The following SLC45A3 variants were observed in gnomAD, a reference collection of about 807,000 sequenced individuals.
SLC45A3 encodes solute carrier family 45 member 3.
Under a neutral mutation model 35.3 loss-of-function variants are expected in SLC45A3, and 17 were observed. The ratio of observed to expected loss-of-function variants is 0.48; its 90% CI spans 0.33 to 0.72. The LOEUF (loss-of-function observed/expected upper bound fraction) is 0.72. Among genes scored for constraint, SLC45A3 ranks in the 30% least tolerant of loss-of-function variants. The pLI, the probability that SLC45A3 is intolerant of heterozygous loss-of-function variation, is 0.02. For synonymous variants in SLC45A3, 288 were observed against 334.3 expected (o/e 0.86, Z 1.51); for missense variants, 597 against 731.7 (o/e 0.82, Z 2.12).
In SLC45A3 at chr1:205,669,842, C is replaced by T. The variant is rs769111727; in HGVS notation, c.-230-4956G>A. 6.6e-6 allele frequency among the ~76,000 whole-genome samples: 1 copy of T among 152,194 alleles called. No homozygotes were observed. Among genetic ancestry groups the T allele is most frequent in the South Asian group, 2.1e-4 (1 of 4,832 alleles). On this transcript the variant is annotated intron_variant, in intron 1 of 4. Transcript: ENST00000367145. The surrounding 1 kb of genome is among the most constrained non-coding windows in gnomAD (Gnocchi z 4.1). Reference sequence around the variant, plus strand: ...AGCTGAGGAAAGCGGGTGGGGTCACCCTGGGCCAACCTCCCGGACACACAC... The same window carrying T: ...AGCTGAGGAAAGCGGGTGGGGTCACTCTGGGCCAACCTCCCGGACACACAC...
At chr1:205,661,080 C>T (rs1671014172) in intron 4 of SLC45A3, among the ~76,000 whole-genome samples, 1 of 152,230 alleles carries the variant, frequency 6.6e-6, no homozygotes. Context: ...CCCCTCAAGG[C>T]AGAGTCCAGC....
In SLC45A3 at chr1:205,662,329, C is replaced by A; in HGVS notation, c.959-203G>T. ...TGACCCTCAGAGAATGTGGGCAACG[C>A]CCCTTGCTGAAGGCAGAGGAAGGTA... On this transcript the variant is annotated intron_variant, in intron 3 of 4. Coordinates refer to ENST00000367145, the MANE Select transcript of SLC45A3 (RefSeq NM_033102.3). This position sits in a 1 kb window ranked among gnomAD's most constrained non-coding sequence, Gnocchi z 6.2. The A allele has an allele frequency of 7.1e-7, 1 of 1,417,832 alleles. No individual in the cohort carries two copies. Among genetic ancestry groups the A allele is most frequent in the South Asian group, 1.6e-5 (1 of 63,500 alleles). 87.8% of individuals were successfully genotyped at this position (1,417,832 alleles called of 1,614,324 possible). A position where few individuals can be genotyped will look rare whatever the true frequency, so the allele number is the denominator to read the frequency against.
At chr1:205,667,648 A>T (rs1256269138) in intron 1 of SLC45A3, among the ~76,000 whole-genome samples, 2 of 151,910 alleles carry the variant, frequency 1.3e-5, no homozygotes, top group African/African-American at 4.8e-5. Flanking sequence ...CAAGTGAGCT[A>T]TGATCGTGCC....
rs1671127859 is a variant in SLC45A3 at position 205,666,883 on chromosome 1, G to A, written c.-230-1997C>T. Among the ~76,000 whole-genome samples, 2 of 152,150 alleles carry A rather than the reference G, an allele frequency of 1.3e-5. No individual in the cohort carries two copies. The highest frequency in any genetic ancestry group is 2.9e-5 in the Non-Finnish European group (2 of 68,032). On this transcript the variant is annotated intron_variant, in intron 1 of 4. Coordinates refer to ENST00000367145, the MANE Select transcript of SLC45A3 (RefSeq NM_033102.3). This position sits in a 1 kb window ranked among gnomAD's most constrained non-coding sequence, Gnocchi z 4.1. ...AGAGGCAGTGCTATCCAGCCTAAAGGGAGGGGTTCTGCGGCCAAAGGCTTC... is the reference window on the plus strand; with the variant it reads ...AGAGGCAGTGCTATCCAGCCTAAAGAGAGGGGTTCTGCGGCCAAAGGCTTC...
Position 205,666,605 on chromosome 1 carries a change from G to A in SLC45A3, c.-230-1719C>T, listed in dbSNP as rs1441993053. ...TGGCAGATCATGAAGGAAGGGAATTGAGATAAGGCTGGGCAACCAGCAGCC... is the reference window on the plus strand; with the variant it reads ...TGGCAGATCATGAAGGAAGGGAATTAAGATAAGGCTGGGCAACCAGCAGCC... On this transcript the variant is annotated intron_variant, in intron 1 of 4. Transcript: ENST00000367145. This position sits in a 1 kb window ranked among gnomAD's most constrained non-coding sequence, Gnocchi z 4.1. 6.6e-6 allele frequency among the ~76,000 whole-genome samples: 1 copy of A among 152,242 alleles called. No individual in the cohort carries two copies.
In SLC45A3 at chr1:205,658,478, G is replaced by C. The variant is rs1275926088; in HGVS notation, c.*756C>G. Reference sequence around the variant, plus strand: ...AATGACCAGCTATCTCAGGGGACCTGATTGTTGGGGATCCCCCACCCTACC... The same window carrying C: ...AATGACCAGCTATCTCAGGGGACCTCATTGTTGGGGATCCCCCACCCTACC... On this transcript the variant is annotated 3_prime_UTR_variant, in exon 5 of 5. Transcript: ENST00000367145. 1 of 233,110 alleles carries C rather than the reference G, an allele frequency of 4.3e-6. No homozygotes were observed. Among genetic ancestry groups the C allele is most frequent in the Non-Finnish European group, 8.5e-6 (1 of 117,996 alleles). 14.4% of individuals were successfully genotyped at this position (233,110 alleles called of 1,614,324 possible). A position where few individuals can be genotyped will look rare whatever the true frequency, so the allele number is the denominator to read the frequency against.
rs1165176151 is a variant in SLC45A3 at position 205,662,514 on chromosome 1, C to A, written c.958+319G>T. 2 of 1,285,300 alleles carry A rather than the reference C, an allele frequency of 1.6e-6. No homozygotes were observed. The highest frequency in any genetic ancestry group is 2.0e-6 in the Non-Finnish European group (2 of 1,016,994). 79.6% of individuals were successfully genotyped at this position (1,285,300 alleles called of 1,614,324 possible). ...CGTTGGGGGAGCAGAGGGCACACTG[C>A]GGCTGGAACCAGGCAGATCTGAAAT... On this transcript the variant is annotated intron_variant, in intron 3 of 4. Coordinates refer to ENST00000367145, the MANE Select transcript of SLC45A3 (RefSeq NM_033102.3). The surrounding 1 kb of genome is among the most constrained non-coding windows in gnomAD (Gnocchi z 6.2).
Position 205,659,761 on chromosome 1 carries a change from C to CA in SLC45A3, c.1225-91dup. 1 of 1,231,714 alleles carries CA rather than the reference C, an allele frequency of 8.1e-7. No homozygotes were observed. Among genetic ancestry groups the CA allele is most frequent in the Non-Finnish European group, 1.1e-6 (1 of 910,322 alleles). The allele number at this position is 1,231,714 out of a possible 1,614,324, so 76.3% of individuals were successfully genotyped here. ...AGCTGTGAGAACAGACCCTTGCCTC[C>CA]ATCCCAGGGGCAATGGGACTTCATG... On this transcript the variant is annotated intron_variant, in intron 4 of 4. Transcript: ENST00000367145. The surrounding 1 kb of genome is among the most constrained non-coding windows in gnomAD (Gnocchi z 5.8).
In SLC45A3 at chr1:205,663,008, G is replaced by A; in HGVS notation, c.783C>T (p.His261=). The A allele has an allele frequency of 6.2e-7, 1 of 1,611,964 alleles. No homozygotes were observed. The highest frequency in any genetic ancestry group is 8.5e-7 in the Non-Finnish European group (1 of 1,179,008). Residue 261 remains histidine, a synonymous_variant, in exon 3 of 5, where the codon CAC becomes CAT. Transcript: ENST00000367145. ...TGCGGGGCATGCGGCAGCACAGCTG[G>A]TGCAGCCGGGGAAGCAGGGCGCCCA... The part of the protein sequence containing the change: ...RNLGALLPRL[H]QLCCRMPRTL...
At chr1:205,665,514 A>T (rs1281346538) in intron 1 of SLC45A3, among the ~76,000 whole-genome samples, 3 of 152,160 alleles carry the variant, frequency 2.0e-5, no homozygotes, top group Non-Finnish European at 4.4e-5. Flanking sequence ...CCTGAGTTCA[A>T]CGTTCAAGGG....
chr1:205,680,059 G>GCCC lies in SLC45A3; in HGVS notation c.-231+334_-231+335insGGG, dbSNP rs1558038872. On this transcript the variant is annotated intron_variant, in intron 1 of 4. Coordinates refer to ENST00000367145, the MANE Select transcript of SLC45A3 (RefSeq NM_033102.3). ...GCCCGGCCCGGTCCGGCCCGGCCCG[G>GCCC]GGCTCCGGGGAGGGGCCGCTCCCCG... Among the ~76,000 whole-genome samples the GCCC allele has an allele frequency of 2.4e-4, 36 of 149,688 alleles. 1 individual carries two copies. The South Asian group carries it at 2.9e-3, about 12-fold the overall frequency.
intron 1 of SLC45A3, among the ~76,000 whole-genome samples, chr1:205,678,187 G>A (rs190552602): frequency 1.2e-4 from 19 of 152,148 alleles, no homozygotes; most frequent in Admixed American, 1.2e-3. Context: ...CATGGTGGTG[G>A]GTGCCTGTAA....
At chr1:205,672,389 A>G (rs1671232377) in intron 1 of SLC45A3, among the ~76,000 whole-genome samples, 2 of 152,196 alleles carry the variant, frequency 1.3e-5, no homozygotes, top group Admixed American at 1.3e-4. Flanking sequence ...AGGTGGGACA[A>G]AGATCCCATA....
At position 205,664,299 on chromosome 1, in the gene SLC45A3, A is replaced by G. The variant is rs1421005212; in HGVS notation, c.172+186T>C. Among the ~76,000 whole-genome samples, 3 of 152,120 alleles carry G rather than the reference A, an allele frequency of 2.0e-5. No individual in the cohort carries two copies. Among genetic ancestry groups the G allele is most frequent in the Non-Finnish European group, 4.4e-5 (3 of 68,008 alleles). ...CCAGGGATCCAGAGGTGACTGGGGT[A>G]TGTCCTTGGTATTCTCTTCTTTCTC... On this transcript the variant is annotated intron_variant, in intron 2 of 4. Transcript: ENST00000367145. This position sits in a 1 kb window ranked among gnomAD's most constrained non-coding sequence, Gnocchi z 5.3.
chr1:205,658,654 A>G lies in SLC45A3; in HGVS notation c.*580T>C. ...CTGATAAAAGGTAAGAGGGGGGTGG[A>G]TCAGCAAAAAGACAGTGCTGTGGGC... is the stretch of plus-strand genomic sequence containing the variant. On this transcript the variant is annotated 3_prime_UTR_variant, in exon 5 of 5. Coordinates refer to ENST00000367145, the MANE Select transcript of SLC45A3 (RefSeq NM_033102.3). The G allele has an allele frequency of 4.3e-6, 1 of 233,842 alleles. No individual in the cohort carries two copies. The highest frequency in any genetic ancestry group is 8.5e-6 in the Non-Finnish European group (1 of 118,174). 14.5% of individuals were successfully genotyped at this position (233,842 alleles called of 1,614,324 possible).
rs55915134 is a variant in SLC45A3 at position 205,672,215 on chromosome 1, C to A, written c.-230-7329G>T. ...TTTCTTCTCGGTTTCCATTCCCCCC[C>A]CTCACCCACGTGCCTCCCCCACCAC... is the stretch of plus-strand genomic sequence containing the variant. On this transcript the variant is annotated intron_variant, in intron 1 of 4. Transcript: ENST00000367145. Among the ~76,000 whole-genome samples the A allele has an allele frequency of 4.6e-5, 7 of 152,138 alleles. No homozygotes were observed. In the East Asian group the frequency reaches 9.7e-4, roughly 21 times the overall value.
At chr1:205,663,864 G>T (rs2102404077) in intron 2 of SLC45A3, among the ~76,000 whole-genome samples, 1 of 152,310 alleles carries the variant, frequency 6.6e-6, no homozygotes, top group South Asian at 2.1e-4. Flanking sequence ...GACCTAGGGA[G>T]GGTAAGAGGC....
In SLC45A3 at chr1:205,662,603, T is replaced by C. The variant is rs1671046845; in HGVS notation, c.958+230A>G. On this transcript the variant is annotated intron_variant, in intron 3 of 4. Transcript: ENST00000367145. This position sits in a 1 kb window ranked among gnomAD's most constrained non-coding sequence, Gnocchi z 6.2. ...AGCTCCGCCTTTCCTTCTGTCAAAC[T>C]GGGGCAACGACTCTGATCAGACTCC... The C allele has an allele frequency of 8.2e-6, 11 of 1,335,328 alleles. No homozygotes were observed. Among genetic ancestry groups the C allele is most frequent in the East Asian group, 5.6e-5 (2 of 35,932 alleles). The allele number at this position is 1,335,328 out of a possible 1,614,324, so 82.7% of individuals were successfully genotyped here.
rs1223850485 is a variant in SLC45A3 at position 205,662,353 on chromosome 1, T to C, written c.959-227A>G. On this transcript the variant is annotated intron_variant, in intron 3 of 4. Coordinates refer to ENST00000367145, the MANE Select transcript of SLC45A3 (RefSeq NM_033102.3). This position sits in a 1 kb window ranked among gnomAD's most constrained non-coding sequence, Gnocchi z 6.2. The stretch of plus-strand genomic sequence containing the variant: ...GCCCCTTGCTGAAGGCAGAGGAAGG[T>C]AGTCTGAAGGTTTCCTGGGAGTCTC... 9.3e-6 allele frequency: 13 copies of C among 1,404,622 alleles called. No homozygotes were observed. The highest frequency in any genetic ancestry group is 2.9e-5 in the African/African-American group (2 of 69,098). 87.0% of individuals were successfully genotyped at this position (1,404,622 alleles called of 1,614,324 possible).
Sources: gnomAD v4.1 joint callset for allele counts (sites outside exome capture counted in the v4.1 genomes callset) on GRCh38, gnomAD v4.1.1 for gene constraint, Gnocchi (gnomAD v3.1) non-coding constraint, MANE v1.5 for transcripts, NCBI Gene and HGNC (gene_info 2026-07-23, HGNC 2026-07-21) for gene names.